CTSE: variants seen among roughly 807,000 people sequenced by gnomAD.
CTSE encodes the protein erythrocyte membrane aspartic proteinase.
Under a neutral mutation model 42.8 loss-of-function variants are expected in CTSE, and 43 were observed. The observed-to-expected ratio is 1.01, with a 90% confidence interval of 0.79 to 1.30. CTSE has a LOEUF of 1.30. Among genes scored for constraint, CTSE ranks in the 50% most tolerant of loss-of-function variants. CTSE has a pLI of 0.00. For synonymous variants in CTSE, 205 were observed against 191.5 expected (o/e 1.07, Z -0.58); for missense variants, 532 against 493.5 (o/e 1.08, Z -0.74).
chr1:206,011,585 T>C (rs1322322026), intron 8 of CTSE, among the ~76,000 whole-genome samples: 1 of 152,056 alleles, frequency 6.6e-6, no homozygotes, highest in Non-Finnish European at 1.5e-5. Flanking sequence ...TTGGTGGCTT[T>C]GGGAAGGAGT....
chr1:206,019,846 TTAATC>T (rs2102275569), intron 4 of CTSE, among the ~76,000 whole-genome samples: 1 of 141,394 alleles, frequency 7.1e-6, no homozygotes, highest in South Asian at 2.2e-4. Context: ...ATATAATAGG[TTAATC>T]TATTATATAA....
At position 206,015,949 on chromosome 1, in the gene CTSE, A is replaced by G. The variant is rs1661248741; in HGVS notation, c.644T>C (p.Phe215Ser). 1.9e-6 allele frequency: 3 copies of G among 1,613,752 alleles called. No individual in the cohort carries two copies. Among genetic ancestry groups the G allele is most frequent in the South Asian group, 2.2e-5 (2 of 91,076 alleles). Residue 215 changes from phenylalanine (F) to serine (S), a missense_variant, in exon 5 of 9, where the codon TTT (phenylalanine) becomes TCT (serine). Coordinates refer to ENST00000358184, the MANE Select transcript of CTSE (RefSeq NM_001910.4). The part of the protein sequence containing the change: ...MAQNLVDLPM[F>S]SVYMSSNPEG... ...GCCTTACCTGCTCATGTAGACAGAAAACATCGGCAAGTCCACCAGGTTCTG... is the reference window on the plus strand; with the variant it reads ...GCCTTACCTGCTCATGTAGACAGAAGACATCGGCAAGTCCACCAGGTTCTG...
intron 1 of CTSE, 124 bp downstream of exon 1, chr1:206,023,600 A>C: frequency 1.2e-6 from 1 of 864,948 alleles, no homozygotes; most frequent in South Asian, 1.4e-5. Context: ...TCTTCCATGC[A>C]TTGACGCAAG....
At position 206,023,863 on chromosome 1, in the gene CTSE, T is replaced by C. The variant is rs1661528133; in HGVS notation, c.-72A>G. The stretch of plus-strand genomic sequence containing the variant: ...TCCCCGAGGGCAGTGGGAACGGACT[T>C]TCCCTAACTCTCAGACCTGCCCAGC... On this transcript the variant is annotated 5_prime_UTR_variant, in exon 1 of 9. Coordinates refer to ENST00000358184, the MANE Select transcript of CTSE (RefSeq NM_001910.4). 2 of 1,496,938 alleles carry C rather than the reference T, an allele frequency of 1.3e-6. No individual in the cohort carries two copies. The highest frequency in any genetic ancestry group is 2.3e-5 in the South Asian group (2 of 87,602). The allele number at this position is 1,496,938 out of a possible 1,614,324, so 92.7% of individuals were successfully genotyped here.
At chr1:206,019,775 ATT>A (rs1267287102) in intron 4 of CTSE, among the ~76,000 whole-genome samples, 2 of 145,370 alleles carry the variant, frequency 1.4e-5, no homozygotes, top group African/African-American at 2.5e-5. Flanking sequence ...TTACATATAT[ATT>A]GTGTTAATCT....
chr1:206,010,348 C>T lies in CTSE; in HGVS notation c.1027-1G>A. On this transcript the variant is annotated splice_acceptor_variant, in intron 8 of 8. Transcript: ENST00000358184. LOFTEE classifies it high-confidence loss of function. ...AGAACTGCATTCCATCCACGAAGTC[C>T]TGTGGGTTGGAAAGAAGGATGCAAA... The T allele has an allele frequency of 6.2e-7, 1 of 1,612,326 alleles. No individual in the cohort carries two copies. Among genetic ancestry groups the T allele is most frequent in the Non-Finnish European group, 8.5e-7 (1 of 1,178,686 alleles).
intron 4 of CTSE, 143 bp downstream of exon 4, chr1:206,020,906 G>A: frequency 3.1e-6 from 2 of 644,372 alleles, no homozygotes; most frequent in Non-Finnish European, 5.5e-6. Flanking sequence ...TCTCAGGTGG[G>A]GAGTGTTGCT....
chr1:206,015,515 A>G (rs963445696), intron 5 of CTSE, among the ~76,000 whole-genome samples: 10 of 152,054 alleles, frequency 6.6e-5, no homozygotes, highest in Non-Finnish European at 4.4e-5. Flanking sequence ...GATATGCCAC[A>G]TTTTGTTTAT....
intron 1 of CTSE, 53 bp from the exon 2 acceptor site, chr1:206,023,110 C>A (rs1159689634): frequency 6.3e-7 from 1 of 1,589,616 alleles, no homozygotes; most frequent in Non-Finnish European, 8.6e-7. Context: ...TCCCTCTTCC[C>A]CCCATTCTCG....
chr1:206,021,966 C>T (rs1300772901), intron 3 of CTSE, among the ~76,000 whole-genome samples, 184 bp downstream of exon 3: 4 of 152,090 alleles, frequency 2.6e-5, no homozygotes, highest in African/African-American at 9.7e-5. Flanking sequence ...TTTAGTTCTT[C>T]CTTGGCTTTG....
At chr1:206,021,796 C>G (rs1194098362) in intron 3 of CTSE, among the ~76,000 whole-genome samples, 2 of 152,080 alleles carry the variant, frequency 1.3e-5, no homozygotes, top group African/African-American at 4.8e-5. Flanking sequence ...CCCGACTCAC[C>G]TCCCTGCTCA....
intron 2 of CTSE, 53 bp from the exon 3 acceptor site, chr1:206,022,320 G>T: frequency 1.5e-6 from 2 of 1,346,224 alleles, no homozygotes; most frequent in Non-Finnish European, 2.1e-6. Context: ...GAGGGACAAG[G>T]GTGCTCACCA....
chr1:206,018,655 G>C (rs1558153379), intron 4 of CTSE, among the ~76,000 whole-genome samples: 1 of 151,668 alleles, frequency 6.6e-6, no homozygotes, highest in Non-Finnish European at 1.5e-5. Flanking sequence ...ATTTCTCAAG[G>C]CATTTGTTGA....
chr1:206,022,322 T>C, intron 2 of CTSE, 55 bp from the exon 3 acceptor site: 1 of 1,302,890 alleles, frequency 7.7e-7, no homozygotes, highest in Non-Finnish European at 1.1e-6. Context: ...GGGACAAGGG[T>C]GCTCACCAGG....
chr1:206,014,653 C>T (rs1375437664), intron 5 of CTSE, among the ~76,000 whole-genome samples: 2 of 152,042 alleles, frequency 1.3e-5, no homozygotes, highest in Non-Finnish European at 2.9e-5. Flanking sequence ...TCACATCAAC[C>T]TAGTGGTCCG....
In CTSE at chr1:206,012,770, G is replaced by A. The variant is rs986143031; in HGVS notation, c.786-121C>T. On this transcript the variant is annotated intron_variant, in intron 6 of 8. Coordinates refer to ENST00000358184, the MANE Select transcript of CTSE (RefSeq NM_001910.4). ...AATGATTTCCACCCACCATATGAGT[G>A]TTCCTCAATTGTTTTCTACTGAGAT... is the stretch of plus-strand genomic sequence containing the variant. 2.2e-5 allele frequency: 25 copies of A among 1,128,028 alleles called. 1 individual carries two copies. The highest frequency in any genetic ancestry group is 3.0e-5 in the Non-Finnish European group (23 of 776,462). 69.9% of individuals were successfully genotyped at this position (1,128,028 alleles called of 1,614,324 possible).
At chr1:206,019,854 T>G (rs1661363962) in intron 4 of CTSE, among the ~76,000 whole-genome samples, 1 of 140,622 alleles carries the variant, frequency 7.1e-6, no homozygotes, top group Non-Finnish European at 1.5e-5. Context: ...GGTTAATCTA[T>G]TATATAATAG....
Position 206,015,793 on chromosome 1 carries a change from A to G in CTSE, c.662+138T>C, listed in dbSNP as rs1661243652. On this transcript the variant is annotated intron_variant, in intron 5 of 8. Coordinates refer to ENST00000358184, the MANE Select transcript of CTSE (RefSeq NM_001910.4). ...CATTTCCTCAATATTCAGAGAGGTT[A>G]AATGTTTTGACTAAGATCACACAGC... The G allele has an allele frequency of 4.2e-6, 3 of 711,438 alleles. No individual in the cohort carries two copies. The African/African-American group carries it at 5.4e-5, about 13-fold the overall frequency. 44.1% of individuals were successfully genotyped at this position (711,438 alleles called of 1,614,324 possible). A position where few individuals can be genotyped will look rare whatever the true frequency, so the allele number is the denominator to read the frequency against.
rs782054554 is a variant in CTSE, at chr1:206,023,697, G to A, written c.68+27C>T. On this transcript the variant is annotated intron_variant, in intron 1 of 8. Transcript: ENST00000358184. The stretch of plus-strand genomic sequence containing the variant: ...TTGCAGGGCATGGGACTACCCAGCT[G>A]AACACAGTGCGGGGACGTCTTCTCA... 11 of 1,607,932 alleles carry A rather than the reference G, an allele frequency of 6.8e-6. No individual in the cohort carries two copies. The East Asian group carries it at 2.2e-4, about 33-fold the overall frequency.
Sources: gnomAD v4.1 joint callset for allele counts (sites outside exome capture counted in the v4.1 genomes callset) on GRCh38, gnomAD v4.1.1 for gene constraint, MANE v1.5 for transcripts, NCBI Gene and HGNC (gene_info 2026-07-23, HGNC 2026-07-21) for gene names.